The following NRXN1 variants were observed in gnomAD, a reference collection of about 807,000 sequenced individuals.
NRXN1 encodes neurexin 1.
A neutral mutation model predicts 150.9 loss-of-function variants in NRXN1; 39 were observed. That is an observed-to-expected ratio of 0.26 (90% CI 0.20 to 0.34). NRXN1 has a LOEUF of 0.34. Ranked by LOEUF, NRXN1 falls within the 10% of genes least tolerant of loss-of-function variation. The pLI, the probability that NRXN1 is intolerant of heterozygous loss-of-function variation, is 1.00. For missense variants in NRXN1, 1,815 were observed against 1,949.9 expected (o/e 0.93, Z 1.30); for synonymous variants, 924 against 757.0 (o/e 1.22, Z -3.62).
Position 50,430,271 on chromosome 2 carries a change from A to G in NRXN1, c.3364+35171T>C, listed in dbSNP as rs528911837. ...TCTTATGTTCCTGGGGTAGGGACCT[A>G]TGTGCAAATTTTTTATATCAGTCTG... On this transcript the variant is annotated intron_variant, in intron 17 of 22. Coordinates refer to ENST00000401669, the MANE Select transcript of NRXN1 (RefSeq NM_001330078.2). 2.0e-5 allele frequency among the ~76,000 whole-genome samples: 3 copies of G among 152,220 alleles called. No individual in the cohort carries two copies. In the East Asian group the frequency reaches 5.8e-4, roughly 29 times the overall value.
chr2:50,960,989 G>C, intron 2 of NRXN1, among the ~76,000 whole-genome samples: 1 of 151,834 alleles, frequency 6.6e-6, no homozygotes, highest in East Asian at 1.9e-4. Flanking sequence ...CCATTTTCGG[G>C]TGAGTAGTAT....
Position 50,981,114 on chromosome 2 carries a change from A to G in NRXN1, c.772+46388T>C, listed in dbSNP as rs548273075. Among the ~76,000 whole-genome samples, 6 of 152,186 alleles carry G rather than the reference A, an allele frequency of 3.9e-5. No homozygotes were observed. In the East Asian group the frequency reaches 1.2e-3, roughly 29 times the overall value. Reference sequence around the variant, plus strand: ...CTTCTGTTGAGGCAGGAACTATCAGAAAGATAAAAATTGATTCTGAAATAA... The same window carrying G: ...CTTCTGTTGAGGCAGGAACTATCAGGAAGATAAAAATTGATTCTGAAATAA... On this transcript the variant is annotated intron_variant, in intron 2 of 22. Transcript: ENST00000401669.
intron 17 of NRXN1, among the ~76,000 whole-genome samples, chr2:50,263,598 A>G (rs1328631550): frequency 2.0e-5 from 3 of 152,152 alleles, no homozygotes; most frequent in Non-Finnish European, 2.9e-5. Context: ...ACAAAATTAA[A>G]AACATAGGGA....
chr2:50,158,564 A>T (rs1410890993), intron 18 of NRXN1, among the ~76,000 whole-genome samples: 1 of 152,076 alleles, frequency 6.6e-6, no homozygotes, highest in Non-Finnish European at 1.5e-5. Flanking sequence ...TTTCTTTGAA[A>T]TGTCTAATTG....
In NRXN1 at chr2:50,322,582, T is replaced by A. The variant is rs150687792; in HGVS notation, c.3365-85612A>T. Among the ~76,000 whole-genome samples the A allele has an allele frequency of 7.9e-3, 1,207 of 152,320 alleles. 14 individuals are homozygous for A. Among genetic ancestry groups the A allele is most frequent in the African/African-American group, 0.028 (1,158 of 41,564 alleles). Reference sequence around the variant, plus strand: ...TTCTCTAATCTATCACTAGATTGGCTAACTAATGAGGATGAGTAGAGACAG... The same window carrying A: ...TTCTCTAATCTATCACTAGATTGGCAAACTAATGAGGATGAGTAGAGACAG... On this transcript the variant is annotated intron_variant, in intron 17 of 22. Coordinates refer to ENST00000401669, the MANE Select transcript of NRXN1 (RefSeq NM_001330078.2).
intron 17 of NRXN1, among the ~76,000 whole-genome samples, chr2:50,438,174 T>C (rs2085616338): frequency 1.3e-5 from 2 of 152,184 alleles, no homozygotes; most frequent in South Asian, 4.1e-4. Flanking sequence ...AGCACAGCCT[T>C]CTCCTTTCTG....
At chr2:50,279,788 T>C (rs1468885136) in intron 17 of NRXN1, among the ~76,000 whole-genome samples, 1 of 152,180 alleles carries the variant, frequency 6.6e-6, no homozygotes, top group Non-Finnish European at 1.5e-5. Context: ...CGATAAAATA[T>C]TAAGTGATTC....
Position 50,555,656 on chromosome 2 carries a change from T to A in NRXN1, c.1321-2631A>T, listed in dbSNP as rs115569244. Among the ~76,000 whole-genome samples, 986 of 152,316 alleles carry A rather than the reference T, an allele frequency of 6.5e-3. 5 individuals carry two copies. The highest frequency in any genetic ancestry group is 0.022 in the African/African-American group (907 of 41,584). ...TTTGTTTATAGTTGAACAAAATTCTTCCTTCACCTTTTTAAACCTAGTTTC... is the reference window on the plus strand; with the variant it reads ...TTTGTTTATAGTTGAACAAAATTCTACCTTCACCTTTTTAAACCTAGTTTC... On this transcript the variant is annotated intron_variant, in intron 8 of 22. Coordinates refer to ENST00000401669, the MANE Select transcript of NRXN1 (RefSeq NM_001330078.2).
chr2:50,160,735 C>T (rs1288022026), intron 18 of NRXN1, among the ~76,000 whole-genome samples: 1 of 152,028 alleles, frequency 6.6e-6, no homozygotes, highest in Non-Finnish European at 1.5e-5. Flanking sequence ...CCAGAAAGCC[C>T]TCGGTCAGGT....
At chr2:50,189,690 T>C (rs548547283) in intron 18 of NRXN1, among the ~76,000 whole-genome samples, 1 of 152,276 alleles carries the variant, frequency 6.6e-6, no homozygotes, top group South Asian at 2.1e-4. Flanking sequence ...TCACTCAGTA[T>C]AAGCAGAAAG....
chr2:50,739,982 G>A (rs1250682629), intron 5 of NRXN1, among the ~76,000 whole-genome samples: 3 of 152,186 alleles, frequency 2.0e-5, no homozygotes, highest in Non-Finnish European at 4.4e-5. Flanking sequence ...AGTTGATGCT[G>A]ATTTCTCTAA....
intron 17 of NRXN1, among the ~76,000 whole-genome samples, chr2:50,258,161 T>C (rs547629188): frequency 3.7e-4 from 56 of 152,124 alleles, no homozygotes; most frequent in Non-Finnish European, 7.5e-4. Flanking sequence ...AAGACAACAG[T>C]GCAGTTTGCT....
chr2:50,789,949 T>G (rs1156589789), intron 5 of NRXN1, among the ~76,000 whole-genome samples: 1 of 152,198 alleles, frequency 6.6e-6, no homozygotes, highest in Non-Finnish European at 1.5e-5. Flanking sequence ...AAAGAATTAG[T>G]AGCTTTGCAA....
At chr2:50,292,904 A>C (rs1198737964) in intron 17 of NRXN1, among the ~76,000 whole-genome samples, 2 of 152,196 alleles carry the variant, frequency 1.3e-5, no homozygotes, top group Non-Finnish European at 2.9e-5. Flanking sequence ...TCAGTGAATA[A>C]AAGGGAGAAG....
chr2:50,409,201 G>T (rs2082972362), intron 17 of NRXN1, among the ~76,000 whole-genome samples: 1 of 152,108 alleles, frequency 6.6e-6, no homozygotes, highest in South Asian at 2.1e-4. Context: ...AGATGGAAAA[G>T]ACTTATTAGC....
chr2:50,842,953 T>C (rs1184963582), intron 5 of NRXN1, among the ~76,000 whole-genome samples: 1 of 152,220 alleles, frequency 6.6e-6, no homozygotes, highest in East Asian at 1.9e-4. Flanking sequence ...AAGGATTTTA[T>C]GCTTATTCCT....
intron 18 of NRXN1, among the ~76,000 whole-genome samples, chr2:50,104,338 T>C (rs2152714785): frequency 6.6e-6 from 1 of 152,180 alleles, no homozygotes; most frequent in South Asian, 2.1e-4. Context: ...ATTCCATTTA[T>C]ACACTTCCCC....
In NRXN1 at chr2:51,024,061, A is replaced by G. The variant is rs1035441728; in HGVS notation, c.772+3441T>C. 2.6e-5 allele frequency among the ~76,000 whole-genome samples: 4 copies of G among 152,340 alleles called. No individual in the cohort carries two copies. In the Middle Eastern group the frequency reaches 0.01, roughly 389 times the overall value. The stretch of plus-strand genomic sequence containing the variant: ...AGAATTATAACTTAATTTCTTATTG[A>G]TTATCCTTGTTATTCTTGTTTTTAA... On this transcript the variant is annotated intron_variant, in intron 2 of 22. Transcript: ENST00000401669.
At chr2:50,851,628 G>T (rs933090782) in intron 5 of NRXN1, among the ~76,000 whole-genome samples, 1 of 152,032 alleles carries the variant, frequency 6.6e-6, no homozygotes, top group African/African-American at 2.4e-5. Flanking sequence ...CAGAAAATTT[G>T]CAATTGAGTG....
Sources: allele counts gnomAD v4.1 joint callset (sites outside exome capture counted in the v4.1 genomes callset), GRCh38; gene constraint gnomAD v4.1.1; transcripts MANE v1.5; gene names NCBI Gene and HGNC (gene_info 2026-07-23, HGNC 2026-07-21).